TENM4: variants seen among roughly 807,000 people sequenced by gnomAD.
TENM4 encodes the protein teneurin transmembrane protein 4, also known as teneurin-4.
Under a neutral mutation model 243.3 loss-of-function variants are expected in TENM4, and 82 were observed. The observed-to-expected ratio is 0.34, with a 90% CI of 0.28 to 0.40. The LOEUF is 0.40. Among genes scored for constraint, TENM4 ranks in the 10% least tolerant of loss-of-function variants. The pLI, the probability that TENM4 is intolerant of heterozygous loss-of-function variation, is 1.00. For missense variants in TENM4, 3,138 were observed against 3,673.3 expected, an observed-to-expected ratio of 0.85 and a Z score of 3.77; for synonymous variants, 1,412 against 1,456.3, an observed-to-expected ratio of 0.97 and a Z score of 0.69.
At chr11:78,884,272 C>T (rs979231285) in intron 9 of TENM4, among the ~76,000 whole-genome samples, 2 of 152,224 alleles carry the variant, frequency 1.3e-5, no homozygotes, top group African/African-American at 2.4e-5. Context: ...AACCTATGCT[C>T]TCAACCATCA....
chr11:78,720,493 A>G, intron 24 of TENM4, 103 bp from the exon 25 acceptor site: 1 of 1,118,228 alleles, frequency 8.9e-7, no homozygotes, highest in East Asian at 2.4e-5. Flanking sequence ...CAATGGTACT[A>G]TACAATACTG....
At chr11:79,429,713 A>C (rs1269339826) in intron 1 of TENM4, among the ~76,000 whole-genome samples, 1 of 152,230 alleles carries the variant, frequency 6.6e-6, no homozygotes, top group Admixed American at 6.5e-5. Flanking sequence ...TAACTGCAAT[A>C]TATGGGAGAA....
intron 1 of TENM4, among the ~76,000 whole-genome samples, chr11:79,330,814 C>T (rs61884520): frequency 0.067 from 10,151 of 152,254 alleles, 397 homozygotes; most frequent in South Asian, 0.084. Flanking sequence ...ATTCAAACAG[C>T]CCCAGTGTCA....
intron 1 of TENM4, among the ~76,000 whole-genome samples, chr11:79,313,975 C>G (rs955947413): frequency 3.9e-5 from 6 of 152,162 alleles, no homozygotes; most frequent in African/African-American, 1.4e-4. Context: ...CTCTGCAGCC[C>G]AAGCCTTTCT....
rs139933540 is a variant in TENM4 at position 79,061,047 on chromosome 11, AG to A, written c.493+3690del. Among the ~76,000 whole-genome samples, 549 of 152,314 alleles carry A rather than the reference AG, an allele frequency of 3.6e-3. 2 individuals carry two copies. Among genetic ancestry groups the A allele is most frequent in the African/African-American group, 0.012 (490 of 41,572 alleles). On this transcript the variant is annotated intron_variant, in intron 6 of 33. Coordinates refer to ENST00000278550, the MANE Select transcript of TENM4 (RefSeq NM_001098816.3). Reference sequence around the variant, plus strand: ...AAAGAAAAGGGAGAGACAGGGTAAAAGGAACCAAGACTTTTGTCATAGAGCC... The same window carrying A: ...AAAGAAAAGGGAGAGACAGGGTAAAAGAACCAAGACTTTTGTCATAGAGCC...
chr11:79,033,933 T>C (rs1398052564), intron 6 of TENM4, among the ~76,000 whole-genome samples: 1 of 152,186 alleles, frequency 6.6e-6, no homozygotes, highest in Non-Finnish European at 1.5e-5. Flanking sequence ...TCAAAAAATC[T>C]AGGGCTTACC....
intron 2 of TENM4, among the ~76,000 whole-genome samples, chr11:79,291,567 T>C (rs527398580): frequency 1.3e-5 from 2 of 152,170 alleles, no homozygotes; most frequent in African/African-American, 4.8e-5. Context: ...CTATCTCCTA[T>C]GGAAATCCCA....
intron 3 of TENM4, among the ~76,000 whole-genome samples, chr11:79,178,625 A>G (rs1429026944): frequency 6.6e-6 from 1 of 152,226 alleles, no homozygotes; most frequent in Non-Finnish European, 1.5e-5. Flanking sequence ...ACCACTGCAT[A>G]TAGCAACATG....
At chr11:79,276,149 A>G (rs941416436) in intron 2 of TENM4, among the ~76,000 whole-genome samples, 11 of 152,240 alleles carry the variant, frequency 7.2e-5, no homozygotes, top group Non-Finnish European at 1.6e-4. Context: ...TCATCCTGCT[A>G]TACTACCTAG....
At chr11:79,369,185 G>A (rs1341850427) in intron 1 of TENM4, among the ~76,000 whole-genome samples, 1 of 152,134 alleles carries the variant, frequency 6.6e-6, no homozygotes, top group African/African-American at 2.4e-5. Context: ...AGGGCCAGGA[G>A]TCACTCCAAA....
chr11:78,908,659 G>A (rs142618730), intron 6 of TENM4, among the ~76,000 whole-genome samples: 37 of 152,314 alleles, frequency 2.4e-4, no homozygotes, highest in African/African-American at 8.4e-4. Context: ...AGAAACTGAT[G>A]AGAATGGCTG....
At chr11:79,399,692 A>G (rs1157102533) in intron 1 of TENM4, among the ~76,000 whole-genome samples, 2 of 152,202 alleles carry the variant, frequency 1.3e-5, no homozygotes, top group Non-Finnish European at 2.9e-5. Context: ...ATCAAAAAAA[A>G]AGAGAGAAAC....
chr11:78,758,779 A>C (rs1856368197), intron 18 of TENM4, among the ~76,000 whole-genome samples: 1 of 152,090 alleles, frequency 6.6e-6, no homozygotes, highest in African/African-American at 2.4e-5. Context: ...AGTCTCCTTG[A>C]AGGCAGATAG....
intron 1 of TENM4, among the ~76,000 whole-genome samples, chr11:79,346,683 G>A (rs750370992): frequency 1.2e-4 from 19 of 152,246 alleles, no homozygotes; most frequent in Non-Finnish European, 2.5e-4. Context: ...AGCTGGAGCT[G>A]GAATTCTAAA....
chr11:79,400,243 A>C (rs1858433852), intron 1 of TENM4, among the ~76,000 whole-genome samples: 1 of 151,974 alleles, frequency 6.6e-6, no homozygotes, highest in Non-Finnish European at 1.5e-5. Flanking sequence ...TTCAATGGTT[A>C]AATTTGCAGC....
At chr11:78,839,710 A>T (rs1299150448) in intron 12 of TENM4, among the ~76,000 whole-genome samples, 2 of 152,196 alleles carry the variant, frequency 1.3e-5, no homozygotes, top group Non-Finnish European at 2.9e-5. Flanking sequence ...ATAATTTTTC[A>T]AACATTTAAC....
chr11:78,751,230 C>T (rs990573995), intron 19 of TENM4, among the ~76,000 whole-genome samples: 1 of 152,188 alleles, frequency 6.6e-6, no homozygotes, highest in Non-Finnish European at 1.5e-5. Flanking sequence ...TGCCCAGTCT[C>T]TCCTCCTCAT....
At chr11:78,942,969 G>C (rs553315373) in intron 6 of TENM4, among the ~76,000 whole-genome samples, 1 of 152,254 alleles carries the variant, frequency 6.6e-6, no homozygotes, top group East Asian at 1.9e-4. Context: ...GCCCTGTCAG[G>C]CCGGAAGTGC....
At chr11:78,899,755 C>T (rs1855887701) in intron 7 of TENM4, among the ~76,000 whole-genome samples, 1 of 152,066 alleles carries the variant, frequency 6.6e-6, no homozygotes, top group South Asian at 2.1e-4. Context: ...CACCTCCCCA[C>T]CCCTCTCTCT....
Sources: allele counts gnomAD v4.1 joint callset (sites outside exome capture counted in the v4.1 genomes callset), GRCh38; gene constraint gnomAD v4.1.1; transcripts MANE v1.5; gene names NCBI Gene and HGNC (gene_info 2026-07-23, HGNC 2026-07-21).